The following C3orf85 variants were observed in gnomAD, a reference collection of about 807,000 sequenced individuals.
C3orf85 encodes the protein chromosome 3 open reading frame 85.
In C3orf85, 1 loss-of-function variant was observed where a neutral mutation model predicts 1.7. That is an observed-to-expected ratio of 0.60 (90% CI 0.21 to 2.86). The LOEUF is 2.86. Ranked by LOEUF, C3orf85 falls within the 30% of genes most tolerant of loss-of-function variation. C3orf85 has a pLI of 0.22. For missense variants in C3orf85, 29 were observed against 21.3 expected, an observed-to-expected ratio of 1.36 and a Z score of -0.72; for synonymous variants, 17 against 8.0, an observed-to-expected ratio of 2.13 and a Z score of -1.90.
intron 2 of C3orf85, among the ~76,000 whole-genome samples, chr3:109,141,026 G>A (rs146917924): frequency 0.044 from 6,766 of 152,218 alleles, 207 homozygotes; most frequent in Middle Eastern, 0.071. Flanking sequence ...TCTCTCTGTC[G>A]CTCAGGCTGG....
At chr3:109,137,591 T>G (rs1706691614) in intron 2 of C3orf85, among the ~76,000 whole-genome samples, 1 of 141,582 alleles carries the variant, frequency 7.1e-6, no homozygotes, top group South Asian at 2.3e-4. Context: ...CTGAAGCCCT[T>G]CCCACACACA....
Position 109,150,154 on chromosome 3 carries a change from G to T in C3orf85, c.*260G>T. 4.6e-6 allele frequency: 1 copy of T among 219,140 alleles called. No homozygotes were observed. Among genetic ancestry groups the T allele is most frequent in the African/African-American group, 2.3e-5 (1 of 43,428 alleles). The allele number at this position is 219,140 out of a possible 1,614,324, so 13.6% of individuals were successfully genotyped here. ...CTGTAGTAATAACATTTACCAAAAC[G>T]ATGGCATTTATGGGAAAAGGAAAGC... On this transcript the variant is annotated 3_prime_UTR_variant, in exon 4 of 4. Coordinates refer to ENST00000622536, the MANE Select transcript of C3orf85 (RefSeq NM_001351622.2).
intron 3 of C3orf85, 124 bp downstream of exon 3, chr3:109,148,510 C>A: frequency 1.6e-6 from 1 of 632,050 alleles, no homozygotes; most frequent in East Asian, 2.8e-5. Context: ...ACACTCTGAA[C>A]TATATCTGCT....
At position 109,148,238 on chromosome 3, in the gene C3orf85, G is replaced by C. The variant is rs979395535; in HGVS notation, c.50-15G>C. The C allele has an allele frequency of 1.4e-6, 1 of 700,462 alleles. No homozygotes were observed. Among genetic ancestry groups the C allele is most frequent in the African/African-American group, 1.8e-5 (1 of 57,128 alleles). The allele number at this position is 700,462 out of a possible 1,614,324, so 43.4% of individuals were successfully genotyped here. On this transcript the variant is annotated splice_polypyrimidine_tract_variant and intron_variant, in intron 2 of 3. Transcript: ENST00000622536. Reference sequence around the variant, plus strand: ...TGCTCTAAAAGATGCTGTGCTCTTGGACTCTAAATTGCAGGAGCATTGGGA... The same window carrying C: ...TGCTCTAAAAGATGCTGTGCTCTTGCACTCTAAATTGCAGGAGCATTGGGA...
chr3:109,137,117 A>G (rs1205567540), intron 2 of C3orf85, among the ~76,000 whole-genome samples: 1 of 151,580 alleles, frequency 6.6e-6, no homozygotes, highest in African/African-American at 2.4e-5. Flanking sequence ...TTCTAATTAT[A>G]TATTAACATG....
chr3:109,139,765 T>A (rs2107832656), intron 2 of C3orf85, among the ~76,000 whole-genome samples: 1 of 152,338 alleles, frequency 6.6e-6, no homozygotes, highest in African/African-American at 2.4e-5. Flanking sequence ...GATCTGTCCA[T>A]AAAGTGCAAG....
At chr3:109,145,957 A>T (rs1706794530) in intron 2 of C3orf85, among the ~76,000 whole-genome samples, 1 of 152,142 alleles carries the variant, frequency 6.6e-6, no homozygotes, top group South Asian at 2.1e-4. Flanking sequence ...CTTCATCCTC[A>T]TTGTTGAAGT....
Position 109,150,715 on chromosome 3 carries a change from A to G in C3orf85, c.*821A>G, listed in dbSNP as rs888421201. Among the ~76,000 whole-genome samples, 3 of 152,194 alleles carry G rather than the reference A, an allele frequency of 2.0e-5. No individual in the cohort carries two copies. Among genetic ancestry groups the G allele is most frequent in the Admixed American group, 6.5e-5 (1 of 15,280 alleles). On this transcript the variant is annotated 3_prime_UTR_variant, in exon 4 of 4. Transcript: ENST00000622536. The stretch of plus-strand genomic sequence containing the variant: ...GTTTGAGAAGCATTGAGATGATACA[A>G]CTAATTGCCAAGATTGCCCCCCAAA...
chr3:109,145,047 C>G (rs551375781), intron 2 of C3orf85, among the ~76,000 whole-genome samples: 4 of 152,102 alleles, frequency 2.6e-5, no homozygotes, highest in African/African-American at 9.7e-5. Context: ...CAAATGAATG[C>G]GTGTTCCTTC....
At chr3:109,140,440 C>T (rs370794987) in intron 2 of C3orf85, among the ~76,000 whole-genome samples, 3 of 152,210 alleles carry the variant, frequency 2.0e-5, no homozygotes, top group East Asian at 3.8e-4. Context: ...CCTGAGCTTC[C>T]GTGGGTCCAC....
intron 2 of C3orf85, among the ~76,000 whole-genome samples, chr3:109,142,255 T>C (rs1706750093): frequency 6.6e-6 from 1 of 152,236 alleles, no homozygotes; most frequent in Non-Finnish European, 1.5e-5. Context: ...TTAATTTGTG[T>C]GTGTCCATAA....
chr3:109,147,890 T>C (rs188514382), intron 2 of C3orf85, among the ~76,000 whole-genome samples: 3 of 152,280 alleles, frequency 2.0e-5, no homozygotes, highest in African/African-American at 7.2e-5. Context: ...ATTATACCCC[T>C]TAACATGCAA....
At chr3:109,148,612 T>C in intron 3 of C3orf85, 1 of 485,020 alleles carries the variant, frequency 2.1e-6, no homozygotes, top group Non-Finnish European at 3.7e-6. Context: ...TTTCCCTTCT[T>C]CTCAGGGCGA....
rs74494865 is a variant in C3orf85 at position 109,148,496 on chromosome 3, C to G, written c.183+110C>G. ...CTAGCCTAGCCCTGATTTTTCCTCT[C>G]TAGACACTCTGAACTATATCTGCTT... On this transcript the variant is annotated intron_variant, in intron 3 of 3. Coordinates refer to ENST00000622536, the MANE Select transcript of C3orf85 (RefSeq NM_001351622.2). The G allele has an allele frequency of 5.4e-3, 3,687 of 676,800 alleles. 91 individuals are homozygous for G. In the African/African-American group the frequency reaches 0.056, roughly 10 times the overall value. The allele number at this position is 676,800 out of a possible 1,614,324, so 41.9% of individuals were successfully genotyped here.
At chr3:109,140,689 T>A (rs1029094512) in intron 2 of C3orf85, among the ~76,000 whole-genome samples, 2 of 152,224 alleles carry the variant, frequency 1.3e-5, no homozygotes, top group Non-Finnish European at 2.9e-5. Flanking sequence ...CTGCCTTTCA[T>A]GAATTATGAA....
intron 2 of C3orf85, among the ~76,000 whole-genome samples, chr3:109,142,077 T>C (rs1706748423): frequency 6.6e-6 from 1 of 152,142 alleles, no homozygotes; most frequent in Admixed American, 6.6e-5. Context: ...TTAGAAAACA[T>C]GAACGTAAAC....
At chr3:109,137,800 G>C (rs1403034422) in intron 2 of C3orf85, among the ~76,000 whole-genome samples, 1 of 151,858 alleles carries the variant, frequency 6.6e-6, no homozygotes, top group African/African-American at 2.4e-5. Flanking sequence ...TTATTAAGCA[G>C]TTATAACCAA....
intron 2 of C3orf85, among the ~76,000 whole-genome samples, chr3:109,145,718 A>C (rs1706790673): frequency 6.6e-6 from 1 of 152,192 alleles, no homozygotes; most frequent in African/African-American, 2.4e-5. Context: ...AATGATTATT[A>C]ATTATTTAGA....
At chr3:109,137,637 G>GTGTGTATATA (rs751674362) in intron 2 of C3orf85, among the ~76,000 whole-genome samples, 2,514 of 79,772 alleles carry the variant, frequency 0.032, 50 homozygotes, top group Middle Eastern at 0.048. Flanking sequence ...GTGTGTGTGT[G>GTGTGTATATA]TATATATATA....
Sources: allele counts gnomAD v4.1 joint callset (sites outside exome capture counted in the v4.1 genomes callset), GRCh38; gene constraint gnomAD v4.1.1; transcripts MANE v1.5; gene names NCBI Gene and HGNC (gene_info 2026-07-23, HGNC 2026-07-21).